The following RGS3 variants were observed in gnomAD, a reference collection of about 807,000 sequenced individuals.
The protein encoded by RGS3 is regulator of G protein signaling 3, also known as regulator of G-protein signalling 3.
In RGS3, 80 loss-of-function variants were observed where a neutral mutation model predicts 132.6. That is an observed-to-expected ratio of 0.60 (90% CI 0.50 to 0.73). The LOEUF is 0.73. RGS3 is among the 30% of genes least tolerant of loss of function. RGS3 has a pLI of 0.00. For synonymous variants in RGS3, 598 were observed against 620.6 expected (o/e 0.96, Z 0.54); for missense variants, 1,382 against 1,530.8 (o/e 0.90, Z 1.62).
intron 18 of RGS3, among the ~76,000 whole-genome samples, chr9:113,532,769 C>A (rs1210510858): frequency 2.0e-5 from 3 of 152,182 alleles, no homozygotes; most frequent in Non-Finnish European, 4.4e-5. Flanking sequence ...GTGGCTCTCT[C>A]ACTGTGAGAG....
chr9:113,495,961 T>G (rs1830670014), intron 8 of RGS3, 115 bp downstream of exon 6: 1 of 903,430 alleles, frequency 1.1e-6, no homozygotes, highest in Non-Finnish European at 1.9e-6. Flanking sequence ...GGTGCCCCAC[T>G]GAGACAGGTG....
chr9:113,507,594 G>A lies in RGS3; in HGVS notation c.1393G>A (p.Asp465Asn), dbSNP rs1263884821. The A allele has an allele frequency of 6.6e-6, 10 of 1,510,138 alleles. No homozygotes were observed. Among genetic ancestry groups the A allele is most frequent in the East Asian group, 2.3e-5 (1 of 42,764 alleles). 93.5% of individuals were successfully genotyped at this position (1,510,138 alleles called of 1,614,324 possible). ...ACTGTCCCGTGCCACTGCCCCCACC[G>A]ACCCCAACTACATCATCCTGGCCCC... is the stretch of plus-strand genomic sequence containing the variant. The change falls in exon 13 of 25, where the codon GAC becomes AAC. Residue 465 changes from aspartate (D) to asparagine (N), a missense_variant. By Grantham distance (23) the Asp-to-Asn change is conservative. Transcript: ENST00000350696. This position sits in a 1 kb window ranked among gnomAD's most constrained non-coding sequence, Gnocchi z 5.0.
At chr9:113,490,693 T>A (rs1588155029) in intron 7 of RGS3, among the ~76,000 whole-genome samples, 1 of 141,582 alleles carries the variant, frequency 7.1e-6, no homozygotes, top group South Asian at 2.1e-4. Flanking sequence ...ATATAATATA[T>A]TATATTATAT....
chr9:113,536,975 A>G (rs1832707795), intron 19 of RGS3, 57 bp downstream of exon 17: 2 of 1,554,504 alleles, frequency 1.3e-6, no homozygotes, highest in Non-Finnish European at 8.8e-7. Flanking sequence ...CAGCCAGCCT[A>G]GACCCTTGAG....
intron 19 of RGS3, among the ~76,000 whole-genome samples, chr9:113,559,890 C>G (rs1833720774): frequency 6.6e-6 from 1 of 152,200 alleles, no homozygotes; most frequent in African/African-American, 2.4e-5. Flanking sequence ...TCTGTCTTTT[C>G]ACAGATGATA....
chr9:113,583,284 C>T, intron 19 of RGS3, 166 bp from the exon 18 acceptor site: 1 of 1,250,164 alleles, frequency 8.0e-7, no homozygotes, highest in Non-Finnish European at 1.1e-6. Flanking sequence ...AGAATTGTTA[C>T]CCAGCTAAGT....
At chr9:113,482,909 AG>A in intron 4 of RGS3, 149 bp from the exon 3 acceptor site, 1 of 1,501,772 alleles carries the variant, frequency 6.7e-7, no homozygotes. Flanking sequence ...GCCTAGTAGC[AG>A]GGGCCATAGC....
chr9:113,522,616 G>A lies in RGS3; in HGVS notation c.1759-314G>A. On this transcript the variant is annotated intron_variant, in intron 16 of 24. Transcript: ENST00000350696. ...ATTTGGTCAGAGATGTAGGCTTCGG[G>A]GATCAGGCTGTGGAGAGGCTTGCAG... 3 of 328,874 alleles carry A rather than the reference G, an allele frequency of 9.1e-6. No homozygotes were observed. In the South Asian group the frequency reaches 1.3e-4, roughly 14 times the overall value. The allele number at this position is 328,874 out of a possible 1,614,324, so 20.4% of individuals were successfully genotyped here.
intron 19 of RGS3, among the ~76,000 whole-genome samples, chr9:113,555,509 C>T (rs1203515075): frequency 2.6e-5 from 4 of 151,766 alleles, no homozygotes; most frequent in African/African-American, 9.7e-5. Flanking sequence ...GCTCTGTCGC[C>T]CAGGCTGGAG....
intron 6 of RGS3, 111 bp from the exon 5 acceptor site, chr9:113,485,514 C>A: frequency 1.5e-6 from 1 of 685,288 alleles, no homozygotes; most frequent in Non-Finnish European, 2.6e-6. Flanking sequence ...TTTATTTAAC[C>A]AGCTGTTGAC....
chr9:113,471,428 CT>C (rs1415673361), intron 3 of RGS3, among the ~76,000 whole-genome samples: 3 of 152,172 alleles, frequency 2.0e-5, no homozygotes, highest in Admixed American at 6.5e-5. Flanking sequence ...TAGATCCTGC[CT>C]GGTAGCTCCT....
chr9:113,459,467 T>A (rs1035143734), upstream of RGS3, among the ~76,000 whole-genome samples: 9 of 152,164 alleles, frequency 5.9e-5, no homozygotes, highest in Non-Finnish European at 1.0e-4. Flanking sequence ...ATTTAAAATA[T>A]TAGCCAGCAC....
At chr9:113,555,361 G>A (rs1403539354) in intron 19 of RGS3, among the ~76,000 whole-genome samples, 1 of 152,086 alleles carries the variant, frequency 6.6e-6, no homozygotes, top group East Asian at 1.9e-4. Context: ...GCCTGTCCTC[G>A]TGGCCTCTAA....
At chr9:113,592,411 G>A (rs1835484908) in intron 21 of RGS3, 1 of 152,272 alleles carries the variant, frequency 6.6e-6, no homozygotes, top group Admixed American at 6.5e-5. Context: ...GTGTGGCGCA[G>A]AGGGCAGGCA....
chr9:113,570,308 T>C (rs2118882490), intron 19 of RGS3: 1 of 152,280 alleles, frequency 6.6e-6, no homozygotes, highest in East Asian at 1.9e-4. Context: ...GATCTGACAC[T>C]GAGCAGGCAT....
chr9:113,593,898 C>A, intron 21 of RGS3: 1 of 1,583,316 alleles, frequency 6.3e-7, no homozygotes, highest in Non-Finnish European at 8.6e-7. Flanking sequence ...CCCCCACCCC[C>A]CACCACTGTC....
At chr9:113,567,237 C>T (rs1834054483) in intron 19 of RGS3, among the ~76,000 whole-genome samples, 1 of 151,460 alleles carries the variant, frequency 6.6e-6, no homozygotes, top group African/African-American at 2.4e-5. Context: ...CCCCTCCCCT[C>T]CCCTCCCCCT....
intron 7 of RGS3, among the ~76,000 whole-genome samples, chr9:113,487,362 C>T (rs1193693111): frequency 4.6e-5 from 7 of 152,110 alleles, no homozygotes; most frequent in South Asian, 2.1e-4. Flanking sequence ...CCACCCGCCT[C>T]GGCCTCCCAA....
At chr9:113,580,709 C>T in intron 19 of RGS3, 2 of 758,620 alleles carry the variant, frequency 2.6e-6, no homozygotes, top group Non-Finnish European at 3.2e-6. Context: ...AGTACCCCTG[C>T]CTGAGTGGCA....
Sources: allele counts gnomAD v4.1 joint callset (sites outside exome capture counted in the v4.1 genomes callset), GRCh38; gene constraint gnomAD v4.1.1; non-coding constraint Gnocchi (gnomAD v3.1); transcripts MANE v1.5; gene names NCBI Gene and HGNC (gene_info 2026-07-23, HGNC 2026-07-21).